Variants in ZNF407 observed in about 807,000 individuals in gnomAD.
ZNF407 encodes zinc finger protein 407.
Under a neutral mutation model 131.2 loss-of-function variants are expected in ZNF407, and 17 were observed. That is an observed-to-expected ratio of 0.13 (90% CI 0.09 to 0.19). ZNF407 has a LOEUF of 0.19. ZNF407 is among the 10% of genes least tolerant of loss of function. The probability of loss-of-function intolerance (pLI) is 1.00; values close to 1 mark genes in which losing one functional copy is unlikely to be tolerated. For synonymous variants in ZNF407, 1,156 were observed against 1,062.0 expected (o/e 1.09, Z -1.72); for missense variants, 2,681 against 2,830.6 (o/e 0.95, Z 1.20).
intron 3 of ZNF407, among the ~76,000 whole-genome samples, chr18:74,754,000 A>G (rs1417403004): frequency 6.6e-6 from 1 of 152,192 alleles, no homozygotes; most frequent in Non-Finnish European, 1.5e-5. Context: ...TTGTTAGGCT[A>G]TTAATTATTG....
chr18:74,769,018 T>A (rs963717392), intron 3 of ZNF407, among the ~76,000 whole-genome samples: 1 of 152,142 alleles, frequency 6.6e-6, no homozygotes, highest in Non-Finnish European at 1.5e-5. Flanking sequence ...GTCATCATTA[T>A]CATCATCATT....
At chr18:74,886,777 T>G (rs1196024660) in intron 6 of ZNF407, among the ~76,000 whole-genome samples, 2 of 152,164 alleles carry the variant, frequency 1.3e-5, no homozygotes, top group Non-Finnish European at 1.5e-5. Context: ...GGAGTCTTTT[T>G]GGGGGTGATG....
At chr18:74,749,013 A>T (rs1968736093) in intron 3 of ZNF407, among the ~76,000 whole-genome samples, 1 of 152,198 alleles carries the variant, frequency 6.6e-6, no homozygotes, top group South Asian at 2.1e-4. Context: ...CTTGGTGCTC[A>T]TGGGCAGAGC....
Position 74,632,040 on chromosome 18 carries a change from A to G in ZNF407, c.1021A>G (p.Ser341Gly). Residue 341 changes from serine to glycine, a missense_variant, in exon 2 of 9, where the codon AGC becomes GGC. Ser to Gly is a moderately conservative substitution (Grantham distance 56). Transcript: ENST00000299687. ...AAGTATTTCTAAACAAAGTGGTAGT[A>G]GCAGTGAGCTTCTTGTTGAAATGAT... ...RGSISKQSGS[S>G]SELLVEMMPS... 6.2e-7 allele frequency: 1 copy of G among 1,613,846 alleles called. No homozygotes were observed. Among genetic ancestry groups the G allele is most frequent in the Non-Finnish European group, 8.5e-7 (1 of 1,179,842 alleles).
chr18:75,058,731 T>C (rs1028240695), intron 8 of ZNF407, among the ~76,000 whole-genome samples: 2 of 152,216 alleles, frequency 1.3e-5, no homozygotes, highest in East Asian at 3.8e-4. Context: ...TTACAGTTCA[T>C]ATTTACTAGA....
At chr18:74,680,211 G>A (rs1415232219) in intron 3 of ZNF407, among the ~76,000 whole-genome samples, 1 of 151,802 alleles carries the variant, frequency 6.6e-6, no homozygotes, top group African/African-American at 2.4e-5. Context: ...GGCAACATGG[G>A]GAAACCTCGT....
At chr18:74,661,609 T>C (rs1985719224) in intron 3 of ZNF407, among the ~76,000 whole-genome samples, 1 of 151,984 alleles carries the variant, frequency 6.6e-6, no homozygotes, top group Admixed American at 6.6e-5. Flanking sequence ...CAAAAGCACA[T>C]TTTTTTAGGC....
intron 8 of ZNF407, among the ~76,000 whole-genome samples, chr18:75,038,115 G>A (rs993008940): frequency 6.6e-6 from 1 of 152,202 alleles, no homozygotes; most frequent in African/African-American, 2.4e-5. Context: ...AGTAATCAAA[G>A]TTATCCCTCA....
At chr18:74,604,844 A>G (rs1022735623) in intron 1 of ZNF407, among the ~76,000 whole-genome samples, 6 of 152,182 alleles carry the variant, frequency 3.9e-5, no homozygotes, top group Non-Finnish European at 7.3e-5. Context: ...ACCATGTGTA[A>G]GAGTCCTTGC....
intron 1 of ZNF407, among the ~76,000 whole-genome samples, chr18:74,618,424 A>G (rs1983401220): frequency 1.3e-5 from 2 of 152,172 alleles, no homozygotes; most frequent in African/African-American, 2.4e-5. Context: ...AACCATAGGT[A>G]ACTTTCTTGG....
Position 75,046,763 on chromosome 18 carries a change from A to G in ZNF407, c.5429-16387A>G, listed in dbSNP as rs572810179. Among the ~76,000 whole-genome samples the G allele has an allele frequency of 6.2e-5, 9 of 145,054 alleles. No homozygotes were observed. In the East Asian group the frequency reaches 1.8e-3, roughly 29 times the overall value. On this transcript the variant is annotated intron_variant, in intron 8 of 8. Coordinates refer to ENST00000299687, the MANE Select transcript of ZNF407 (RefSeq NM_017757.3). ...CATAGAGTTGAATTGAAGACAATGA[A>G]AAAAAAAAAAAAAGCCTTACCTCAC...
intron 3 of ZNF407, among the ~76,000 whole-genome samples, chr18:74,739,370 G>T (rs2144915513): frequency 6.6e-6 from 1 of 152,074 alleles, no homozygotes; most frequent in East Asian, 1.9e-4. Flanking sequence ...TCCAGTTACT[G>T]CAGGATCCAG....
At chr18:74,737,538 ACTT>A (rs1192001858) in intron 3 of ZNF407, among the ~76,000 whole-genome samples, 7 of 152,212 alleles carry the variant, frequency 4.6e-5, no homozygotes, top group Admixed American at 2.6e-4. Flanking sequence ...TGTCTGCTAT[ACTT>A]CTTCTTATAT....
chr18:74,696,873 A>C (rs1164576602), intron 3 of ZNF407, among the ~76,000 whole-genome samples: 1 of 152,100 alleles, frequency 6.6e-6, no homozygotes, highest in Non-Finnish European at 1.5e-5. Context: ...TCCTTCACAG[A>C]CCTTTTTTGT....
At position 74,903,690 on chromosome 18, in the gene ZNF407, G is replaced by A. The variant is rs115836092; in HGVS notation, c.5249+13652G>A. On this transcript the variant is annotated intron_variant, in intron 7 of 8. Coordinates refer to ENST00000299687, the MANE Select transcript of ZNF407 (RefSeq NM_017757.3). ...TAAATATGTAGCGATGAAGAGTTCG[G>A]GGGTCTATATTTATTTCAGAGTGGC... Among the ~76,000 whole-genome samples, 575 of 152,244 alleles carry A rather than the reference G, an allele frequency of 3.8e-3. 4 individuals are homozygous for A. The highest frequency in any genetic ancestry group is 0.013 in the African/African-American group (542 of 41,526).
At chr18:74,965,167 T>C (rs1196734465) in intron 8 of ZNF407, among the ~76,000 whole-genome samples, 4 of 152,170 alleles carry the variant, frequency 2.6e-5, no homozygotes, top group African/African-American at 9.7e-5. Flanking sequence ...AACAATCCAA[T>C]TATACTCTTA....
chr18:74,601,319 G>GTA (rs1982569092), intron 1 of ZNF407, among the ~76,000 whole-genome samples: 1 of 130,542 alleles, frequency 7.7e-6, no homozygotes, highest in Non-Finnish European at 1.6e-5. Context: ...GTGTGTGTGT[G>GTA]TGTGTATGTC....
In ZNF407 at chr18:75,063,776, G is replaced by A. The variant is rs759593552; in HGVS notation, c.6055G>A (p.Val2019Met). 192 of 1,610,440 alleles carry A rather than the reference G, an allele frequency of 1.2e-4. 1 individual carries two copies. In the South Asian group the frequency reaches 1.5e-3, roughly 13 times the overall value. Reference sequence around the variant, plus strand: ...GCAAGGCAGGCCCGGCGCCAAAGACGTGCTGATCCAGCTGCCCGGGCAGGA... The same window carrying A: ...GCAAGGCAGGCCCGGCGCCAAAGACATGCTGATCCAGCTGCCCGGGCAGGA... ...EEQGRPGAKD[V>M]LIQLPGQEVS... The change falls in exon 9 of 9, where the codon GTG (valine) becomes ATG (methionine). Residue 2019 changes from valine (V) to methionine (M), a missense_variant. Physicochemically the swap from Val to Met is conservative, Grantham distance 21. This residue lies in a region of ZNF407 where 620 missense variants were observed against 583.1 expected (regional missense o/e 1.06). Transcript: ENST00000299687. This position sits in a 1 kb window ranked among gnomAD's most constrained non-coding sequence, Gnocchi z 6.6.
chr18:74,755,771 T>TTCTTTCTTTCTTTCTCTCTC (rs1265035731), intron 3 of ZNF407, among the ~76,000 whole-genome samples: 1 of 130,530 alleles, frequency 7.7e-6, no homozygotes, highest in African/African-American at 3.3e-5. Context: ...CTTTCTTTCT[T>TTCTTTCTTTCTTTCTCTCTC]TCTCTCTCTC....
Sources: allele counts gnomAD v4.1 joint callset (sites outside exome capture counted in the v4.1 genomes callset), GRCh38; gene constraint gnomAD v4.1.1; regional missense constraint gnomAD v4.1.1; non-coding constraint Gnocchi (gnomAD v3.1); transcripts MANE v1.5; gene names NCBI Gene and HGNC (gene_info 2026-07-23, HGNC 2026-07-21).